Variants in LPP observed in about 807,000 individuals in gnomAD.
LPP encodes lipoma-preferred partner.
In LPP, 38 loss-of-function variants were observed where a neutral mutation model predicts 60.4. The observed-to-expected ratio is 0.63, with a 90% CI of 0.49 to 0.83. The LOEUF is 0.83. LPP is among the 40% of genes least tolerant of loss of function. LPP has a pLI of 0.00. For synonymous variants in LPP, 328 were observed against 290.8 expected (o/e 1.13, Z -1.30); for missense variants, 902 against 783.6 (o/e 1.15, Z -1.80).
At chr3:188,247,164 C>A in intron 2 of LPP, 1 of 984,708 alleles carries the variant, frequency 1.0e-6, no homozygotes, top group South Asian at 4.7e-5. Flanking sequence ...AGGAACTGTC[C>A]AGAAGACCTC....
intron 2 of LPP, among the ~76,000 whole-genome samples, chr3:188,263,683 T>G (rs938811661): frequency 2.0e-5 from 3 of 152,228 alleles, no homozygotes; most frequent in Admixed American, 6.5e-5. Context: ...GGTTTAACAG[T>G]GACTAGCTCA....
At chr3:188,647,614 A>G (rs925871199) in intron 7 of LPP, among the ~76,000 whole-genome samples, 2 of 152,150 alleles carry the variant, frequency 1.3e-5, no homozygotes, top group Non-Finnish European at 2.9e-5. Flanking sequence ...TGAGACAGAG[A>G]GTGCATTCAC....
intron 4 of LPP, among the ~76,000 whole-genome samples, chr3:188,471,082 T>C (rs1334556605): frequency 6.6e-6 from 1 of 152,202 alleles, no homozygotes; most frequent in Non-Finnish European, 1.5e-5. Flanking sequence ...CAAACCATAA[T>C]TCTCTAAAAC....
chr3:188,221,495 C>T (rs1207609286), intron 1 of LPP, among the ~76,000 whole-genome samples: 2 of 152,156 alleles, frequency 1.3e-5, no homozygotes, highest in African/African-American at 2.4e-5. Context: ...TTGGTGCGCC[C>T]CTGAATGCAG....
intron 5 of LPP, among the ~76,000 whole-genome samples, chr3:188,516,319 C>A (rs1817349462): frequency 6.6e-6 from 1 of 152,080 alleles, no homozygotes; most frequent in Non-Finnish European, 1.5e-5. Flanking sequence ...TAAAATAGAT[C>A]ATATTTTCTG....
At chr3:188,404,309 A>G (rs1267706910) in intron 3 of LPP, among the ~76,000 whole-genome samples, 1 of 152,190 alleles carries the variant, frequency 6.6e-6, no homozygotes, top group African/African-American at 2.4e-5. Flanking sequence ...CAGTGGTGCA[A>G]TCACAGCTTA....
intron 4 of LPP, 123 bp from the exon 5 acceptor site, chr3:188,484,469 G>T: frequency 1.5e-6 from 1 of 650,092 alleles, no homozygotes; most frequent in Admixed American, 2.4e-5. Context: ...GGGAATAATT[G>T]CTATACAACA....
chr3:188,193,777 T>C (rs1415540058), intron 1 of LPP, among the ~76,000 whole-genome samples: 1 of 152,158 alleles, frequency 6.6e-6, no homozygotes, highest in Non-Finnish European at 1.5e-5. Flanking sequence ...GGATAGAGTT[T>C]GGGTTAAATG....
intron 2 of LPP, among the ~76,000 whole-genome samples, chr3:188,340,606 T>C (rs1458747162): frequency 1.3e-5 from 2 of 152,236 alleles, no homozygotes; most frequent in Non-Finnish European, 2.9e-5. Context: ...ACTCCAACTC[T>C]CTGAACCTAG....
In LPP at chr3:188,877,771, A is replaced by G; in HGVS notation, c.*3292A>G. The G allele has an allele frequency of 4.7e-6, 1 of 211,128 alleles. No individual in the cohort carries two copies. The highest frequency in any genetic ancestry group is 7.1e-5 in the East Asian group (1 of 14,050). 13.1% of individuals were successfully genotyped at this position (211,128 alleles called of 1,614,324 possible). On this transcript the variant is annotated 3_prime_UTR_variant, in exon 12 of 12. Coordinates refer to ENST00000617246, the MANE Select transcript of LPP (RefSeq NM_001375462.1). ...ACAAATAAATAAATAATCGACTCAAAAATAAGTCATGTGTCCCAGCATAAG... is the reference window on the plus strand; with the variant it reads ...ACAAATAAATAAATAATCGACTCAAGAATAAGTCATGTGTCCCAGCATAAG...
intron 4 of LPP, among the ~76,000 whole-genome samples, chr3:188,420,653 C>T (rs1020040924): frequency 6.6e-6 from 1 of 152,204 alleles, no homozygotes; most frequent in South Asian, 2.1e-4. Context: ...ATCAGACCCT[C>T]GAAGAGATTC....
chr3:188,192,677 G>C (rs756861714), intron 1 of LPP, among the ~76,000 whole-genome samples: 2 of 152,138 alleles, frequency 1.3e-5, no homozygotes, highest in Non-Finnish European at 2.9e-5. Context: ...TTTGATCTCA[G>C]TCTCATCTGA....
At position 188,854,883 on chromosome 3, in the gene LPP, C is replaced by A. The variant is rs111527085; in HGVS notation, c.1411-11317C>A. 3.0e-3 allele frequency among the ~76,000 whole-genome samples: 458 copies of A among 152,252 alleles called. 3 individuals are homozygous for A. The highest frequency in any genetic ancestry group is 0.011 in the African/African-American group (446 of 41,542). ...GAGTTTCAGGCAGCTCTGAAGGGAA[C>A]CAACATGTGAGTGGAATGGTATTGG... On this transcript the variant is annotated intron_variant, in intron 9 of 11. Transcript: ENST00000617246.
intron 6 of LPP, among the ~76,000 whole-genome samples, chr3:188,588,275 G>A (rs938651128): frequency 6.6e-6 from 1 of 152,010 alleles, no homozygotes; most frequent in Non-Finnish European, 1.5e-5. Flanking sequence ...TACTCTTAAT[G>A]AAAAAACGGT....
chr3:188,522,017 G>A (rs371726168), intron 5 of LPP, among the ~76,000 whole-genome samples: 3 of 152,280 alleles, frequency 2.0e-5, no homozygotes, highest in African/African-American at 7.2e-5. Context: ...AATTTTAAAT[G>A]TTAAATGGAA....
At chr3:188,672,485 G>C (rs1265530119) in intron 7 of LPP, among the ~76,000 whole-genome samples, 1 of 152,122 alleles carries the variant, frequency 6.6e-6, no homozygotes, top group African/African-American at 2.4e-5. Flanking sequence ...TAAAGGACTG[G>C]AGTAAAAATG....
At chr3:188,605,554 G>A (rs1234585059) in intron 6 of LPP, among the ~76,000 whole-genome samples, 2 of 152,134 alleles carry the variant, frequency 1.3e-5, no homozygotes, top group African/African-American at 4.8e-5. Context: ...TCAGAATACA[G>A]ATGAATTCTG....
At chr3:188,519,584 T>A (rs1341094450) in intron 5 of LPP, among the ~76,000 whole-genome samples, 1 of 152,182 alleles carries the variant, frequency 6.6e-6, no homozygotes, top group African/African-American at 2.4e-5. Flanking sequence ...TGTTTCTATG[T>A]TAAATTTCTC....
intron 6 of LPP, among the ~76,000 whole-genome samples, chr3:188,535,498 T>C (rs1209349568): frequency 6.6e-6 from 1 of 152,198 alleles, no homozygotes; most frequent in African/African-American, 2.4e-5. Context: ...AGAAATATGC[T>C]AAAAAAGCTA....
Sources: gnomAD v4.1 joint callset for allele counts (sites outside exome capture counted in the v4.1 genomes callset) on GRCh38, gnomAD v4.1.1 for gene constraint, MANE v1.5 for transcripts, NCBI Gene and HGNC (gene_info 2026-07-23, HGNC 2026-07-21) for gene names.